The following LARS1 variants were observed in gnomAD, a reference collection of about 807,000 sequenced individuals.
LARS1 encodes leucyl-tRNA synthetase 1.
In LARS1, 100 loss-of-function variants were observed where a neutral mutation model predicts 162.8. The observed-to-expected ratio is 0.61, with a 90% CI of 0.52 to 0.73. The LOEUF (loss-of-function observed/expected upper bound fraction) is 0.73. Ranked by LOEUF, LARS1 falls within the 30% of genes least tolerant of loss-of-function variation. The pLI is 0.00. For missense variants in LARS1, 1,258 were observed against 1,408.9 expected (o/e 0.89, Z 1.71); for synonymous variants, 457 against 462.8 (o/e 0.99, Z 0.16).
At chr5:146,179,041 G>C (rs1253706834) in intron 1 of LARS1, among the ~76,000 whole-genome samples, 1 of 152,142 alleles carries the variant, frequency 6.6e-6, no homozygotes, top group African/African-American at 2.4e-5. Context: ...AGACCAGCCT[G>C]GCCAATATGG....
chr5:146,157,905 T>C, intron 8 of LARS1, 110 bp from the exon 9 acceptor site: 3 of 1,038,484 alleles, frequency 2.9e-6, no homozygotes, highest in East Asian at 5.0e-5. Context: ...TCTTGCATTA[T>C]TAATTTTTTT....
rs749714686 is a variant in LARS1, at chr5:146,157,546, G to A, written c.922C>T (p.Arg308Cys). The A allele has an allele frequency of 2.5e-6, 4 of 1,613,808 alleles. No individual in the cohort carries two copies. The highest frequency in any genetic ancestry group is 2.2e-5 in the East Asian group (1 of 44,870). Residue 308 changes from arginine to cysteine, a missense_variant, in exon 10 of 32, where the codon CGT becomes TGT. Coordinates refer to ENST00000394434, the MANE Select transcript of LARS1 (RefSeq NM_020117.11). ...TMFGQTNCWV[R>C]PDMKYIGFET... ...AATCCAATGTACTTCATATCAGGAC[G>A]AACCCAACAATTTGTCTGCCCAAAC...
chr5:146,138,201 A>G (rs1276472164), intron 21 of LARS1: 4 of 181,950 alleles, frequency 2.2e-5, no homozygotes, highest in Admixed American at 2.2e-4. Flanking sequence ...GCTTATGTAT[A>G]CAAAGCAAAG....
intron 7 of LARS1, among the ~76,000 whole-genome samples, 167 bp downstream of exon 7, chr5:146,160,207 T>G (rs1753717585): frequency 6.6e-6 from 1 of 152,142 alleles, no homozygotes; most frequent in Non-Finnish European, 1.5e-5. Context: ...GCTAATTTTT[T>G]TTTTTATATA....
Position 146,158,832 on chromosome 5 carries a change from C to T in LARS1, c.771+575G>A, listed in dbSNP as rs563835648. Among the ~76,000 whole-genome samples, 525 of 152,234 alleles carry T rather than the reference C, an allele frequency of 3.4e-3. 2 individuals are homozygous for T. The highest frequency in any genetic ancestry group is 0.012 in the African/African-American group (511 of 41,528). On this transcript the variant is annotated intron_variant, in intron 8 of 31. Transcript: ENST00000394434. Reference sequence around the variant, plus strand: ...TTCCTGGAGGCCGGGCACGGTGGCTCACGCCTGTAATCTCAGCACTTTGGG... The same window carrying T: ...TTCCTGGAGGCCGGGCACGGTGGCTTACGCCTGTAATCTCAGCACTTTGGG...
Position 146,177,587 on chromosome 5 carries a change from C to A in LARS1, c.85G>T (p.Val29Leu). ...EIQQKWDTER[V>L]FEVNASNLEK... ...AAATTAGATGCATTGACCTCAAACACTCTCTCAGTATCCCATTTCTGTTGG... is the reference window on the plus strand; with the variant it reads ...AAATTAGATGCATTGACCTCAAACAATCTCTCAGTATCCCATTTCTGTTGG... Residue 29 changes from valine (V) to leucine (L), a missense_variant, in exon 2 of 32, where the codon GTG becomes TTG. Coordinates refer to ENST00000394434, the MANE Select transcript of LARS1 (RefSeq NM_020117.11). The A allele has an allele frequency of 6.2e-7, 1 of 1,600,710 alleles. No individual in the cohort carries two copies. The highest frequency in any genetic ancestry group is 8.5e-7 in the Non-Finnish European group (1 of 1,171,492).
Position 146,134,810 on chromosome 5 carries a change from G to A in LARS1, c.2212+791C>T, listed in dbSNP as rs115634250. Among the ~76,000 whole-genome samples the A allele has an allele frequency of 9.5e-3, 1,450 of 152,214 alleles. 13 individuals are homozygous for A. The highest frequency in any genetic ancestry group is 0.033 in the African/African-American group (1,366 of 41,524). ...CTAGAAATACAAAAATTAGCCAAGC[G>A]TGCAGGCACATGCCTGTAATCCCAG... On this transcript the variant is annotated intron_variant, in intron 22 of 31. Transcript: ENST00000394434.
intron 1 of LARS1, chr5:146,179,563 G>A (rs775814490): frequency 3.7e-5 from 9 of 244,468 alleles, no homozygotes; most frequent in Admixed American, 1.4e-4. Flanking sequence ...CCTACCCTAC[G>A]GTCATGGGTA....
intron 28 of LARS1, among the ~76,000 whole-genome samples, chr5:146,125,682 C>T (rs947657526): frequency 2.0e-5 from 3 of 148,722 alleles, no homozygotes; most frequent in African/African-American, 7.3e-5. Flanking sequence ...GTGACTGATA[C>T]ACAGAATTTC....
At chr5:146,125,450 C>G (rs898911743) in intron 28 of LARS1, among the ~76,000 whole-genome samples, 1 of 152,030 alleles carries the variant, frequency 6.6e-6, no homozygotes, top group African/African-American at 2.4e-5. Flanking sequence ...AGAATAACTA[C>G]AATATGCTTA....
chr5:146,139,688 C>T (rs1175987774), intron 21 of LARS1: 43 of 153,018 alleles, frequency 2.8e-4, no homozygotes, highest in African/African-American at 6.5e-4. Flanking sequence ...CTGGCGAACA[C>T]GGTGAAATCC....
chr5:146,150,829 C>T (rs1427134607), intron 14 of LARS1, among the ~76,000 whole-genome samples: 1 of 151,798 alleles, frequency 6.6e-6, no homozygotes, highest in Non-Finnish European at 1.5e-5. Context: ...GTCCCAGCTA[C>T]TCAGGAGTCT....
rs747795680 is a variant in LARS1, at chr5:146,144,526, T to C, written c.1601A>G (p.Tyr534Cys). ...VALCDQWYLD[Y>C]GEENWKKQTS... is the part of the protein sequence containing the mutation. ...CTGTTTCTTCCAATTCTCTTCTCCA[T>C]AATCCAAGTACCTGGGAGTGGACAA... is the stretch of plus-strand genomic sequence containing the variant. Residue 534 changes from tyrosine (Y) to cysteine (C), a missense_variant, in exon 17 of 32, where the codon TAT (tyrosine) becomes TGT (cysteine). Transcript: ENST00000394434. 6.2e-7 allele frequency: 1 copy of C among 1,613,974 alleles called. No homozygotes were observed. The highest frequency in any genetic ancestry group is 1.7e-5 in the Admixed American group (1 of 60,012).
Position 146,153,723 on chromosome 5 carries a change from C to G in LARS1, c.1230+11G>C. On this transcript the variant is annotated intron_variant, in intron 12 of 31. Transcript: ENST00000394434. ...GAGGACGAAATACAAACATGAAACTCAGATACTTACTTGCTTTTTCTTCAA... is the reference window on the plus strand; with the variant it reads ...GAGGACGAAATACAAACATGAAACTGAGATACTTACTTGCTTTTTCTTCAA... 1 of 1,608,670 alleles carries G rather than the reference C, an allele frequency of 6.2e-7. No individual in the cohort carries two copies. The highest frequency in any genetic ancestry group is 8.5e-7 in the Non-Finnish European group (1 of 1,175,114).
intron 6 of LARS1, among the ~76,000 whole-genome samples, chr5:146,163,911 G>GT (rs966282902): frequency 6.6e-6 from 1 of 152,064 alleles, no homozygotes; most frequent in African/African-American, 2.4e-5. Flanking sequence ...CAAGATTGTT[G>GT]TTTATTAGAA....
rs753063746 is a variant in LARS1 at position 146,143,001 on chromosome 5, T to G, written c.1961A>C (p.Lys654Thr). The change falls in exon 20 of 32, where the codon AAA (lysine) becomes ACA (threonine). Residue 654 changes from lysine (K) to threonine (T), a missense_variant. By Grantham distance (78) the Lys-to-Thr change is moderately conservative. Transcript: ENST00000394434. The stretch of plus-strand genomic sequence containing the variant: ...AAACTCCTGCTTTAACTGATCTAAT[T>G]TTTCCTTTGCAATCTGAGTCTTAGG... ...PFPKTQIAKE[K>T]LDQLKQEFEF... is the part of the protein sequence containing the mutation. 34 of 1,613,884 alleles carry G rather than the reference T, an allele frequency of 2.1e-5. No homozygotes were observed. Among genetic ancestry groups the G allele is most frequent in the Non-Finnish European group, 1.7e-6 (2 of 1,179,902 alleles).
Position 146,114,107 on chromosome 5 carries a change from T to C in LARS1, c.3530A>G (p.Ter1177=). The C allele has an allele frequency of 6.2e-7, 1 of 1,610,022 alleles. No individual in the cohort carries two copies. The highest frequency in any genetic ancestry group is 1.1e-5 in the South Asian group (1 of 90,974). ...GATAAATCTCCAATGTGCATGAGTT[T>C]AATGAACCAGATAGATTATTGTATC... The part of the protein sequence containing the change: ...IGDTIIYLVH[*] The change falls in exon 32 of 32, where the codon TAA becomes TGA. Residue 1177 remains the stop codon, a stop_retained_variant. Transcript: ENST00000394434.
chr5:146,138,290 G>C, intron 21 of LARS1: 1 of 179,708 alleles, frequency 5.6e-6, no homozygotes, highest in Non-Finnish European at 1.3e-5. Flanking sequence ...CATGGGAACA[G>C]TAGCATGGTT....
chr5:146,143,423 CG>C lies in LARS1; in HGVS notation c.1865del (p.Pro622ArgfsTer9). On this transcript the variant is annotated frameshift_variant, in exon 19 of 32. Transcript: ENST00000394434. LOFTEE classifies it high-confidence loss of function. ...ATCTGTTTACCAACCTAATGCCCAGCGGAGACTCTGCCTGTCCATGCAAGTT... is the reference window on the plus strand; with the variant it reads ...ATCTGTTTACCAACCTAATGCCCAGCGAGACTCTGCCTGTCCATGCAAGTT... ...GGNLHGQAESPLGIRPQQMTK... is the reference protein window; with the variant it reads ...GGNLHGQAESXLGIRPQQMTK... 1 of 1,612,336 alleles carries C rather than the reference CG, an allele frequency of 6.2e-7. No individual in the cohort carries two copies. Among genetic ancestry groups the C allele is most frequent in the Non-Finnish European group, 8.5e-7 (1 of 1,178,792 alleles).
Sources: allele counts gnomAD v4.1 joint callset (sites outside exome capture counted in the v4.1 genomes callset), GRCh38; gene constraint gnomAD v4.1.1; transcripts MANE v1.5; gene names NCBI Gene and HGNC (gene_info 2026-07-23, HGNC 2026-07-21).